Variants in ANKS1B observed in about 807,000 individuals in gnomAD.
The protein encoded by ANKS1B is ankyrin repeat and sterile alpha motif domain containing 1B, also known as ankyrin repeat and sterile alpha motif domain-containing protein 1B.
Under a neutral mutation model 148.3 loss-of-function variants are expected in ANKS1B, and 36 were observed. The observed-to-expected ratio is 0.24, with a 90% CI of 0.19 to 0.32. ANKS1B has a LOEUF of 0.32. Ranked by LOEUF, ANKS1B falls within the 10% of genes least tolerant of loss-of-function variation. The pLI is 1.00. For missense variants in ANKS1B, 1,157 were observed against 1,542.6 expected, an observed-to-expected ratio of 0.75 and a Z score of 4.19; for synonymous variants, 542 against 560.8, an observed-to-expected ratio of 0.97 and a Z score of 0.47.
Position 98,818,852 on chromosome 12 carries a change from A to G in ANKS1B, c.3066+10322T>C, listed in dbSNP as rs576401173. 9.8e-5 allele frequency among the ~76,000 whole-genome samples: 15 copies of G among 152,366 alleles called. No individual in the cohort carries two copies. The South Asian group carries it at 3.1e-3, about 32-fold the overall frequency. The stretch of plus-strand genomic sequence containing the variant: ...TTCTGACAGAAAAGATGCATTGGGC[A>G]GAGTCATTTATTCAATGATGTTTAT... On this transcript the variant is annotated intron_variant, in intron 19 of 26. Transcript: ENST00000683438.
At chr12:99,831,942 G>A (rs2084077506) in intron 1 of ANKS1B, among the ~76,000 whole-genome samples, 1 of 152,094 alleles carries the variant, frequency 6.6e-6, no homozygotes, top group Admixed American at 6.5e-5. Flanking sequence ...AAATGTGAAT[G>A]GCTAATAAAT....
At chr12:98,846,266 T>G (rs2099467913) in intron 17 of ANKS1B, among the ~76,000 whole-genome samples, 1 of 152,232 alleles carries the variant, frequency 6.6e-6, no homozygotes, top group African/African-American at 2.4e-5. Context: ...TTAGTTTTCA[T>G]TGCCTCTTGC....
intron 8 of ANKS1B, among the ~76,000 whole-genome samples, chr12:99,690,941 C>G (rs1167522501): frequency 6.6e-6 from 1 of 152,064 alleles, no homozygotes. Flanking sequence ...GCCCCTGTAG[C>G]AAACTTCTGC....
At chr12:99,082,281 G>C (rs1032510103) in intron 16 of ANKS1B, among the ~76,000 whole-genome samples, 8 of 152,218 alleles carry the variant, frequency 5.3e-5, no homozygotes, top group African/African-American at 1.9e-4. Context: ...ATAAAGCAGA[G>C]CAATAGCAAG....
At chr12:99,342,182 C>T (rs10860421) in intron 12 of ANKS1B, among the ~76,000 whole-genome samples, 41,160 of 151,638 alleles carry the variant, frequency 0.27, 5,936 homozygotes, top group East Asian at 0.5. Context: ...TAATTAAACG[C>T]GACTAAAAAG....
At chr12:98,869,679 G>GTATGCA (rs1555436867) in intron 17 of ANKS1B, among the ~76,000 whole-genome samples, 2 of 25,726 alleles carry the variant, frequency 7.8e-5, no homozygotes, top group East Asian at 0.067. Flanking sequence ...TGTGTGGAAT[G>GTATGCA]CATACATATG....
intron 12 of ANKS1B, among the ~76,000 whole-genome samples, chr12:99,356,210 G>T (rs1394474972): frequency 1.3e-5 from 2 of 152,162 alleles, no homozygotes; most frequent in Non-Finnish European, 2.9e-5. Context: ...TTGTCAGGGA[G>T]GGCACAGCCA....
At chr12:99,605,198 T>C (rs1248689328) in intron 9 of ANKS1B, among the ~76,000 whole-genome samples, 1 of 152,100 alleles carries the variant, frequency 6.6e-6, no homozygotes, top group Non-Finnish European at 1.5e-5. Flanking sequence ...TAAACATTTT[T>C]TAAACTTTTA....
intron 17 of ANKS1B, among the ~76,000 whole-genome samples, chr12:98,898,105 T>C (rs2099767359): frequency 6.6e-6 from 1 of 152,170 alleles, no homozygotes; most frequent in East Asian, 1.9e-4. Flanking sequence ...CTATTAGGTA[T>C]AATGTCCACT....
intron 5 of ANKS1B, among the ~76,000 whole-genome samples, 162 bp from the exon 6 acceptor site, chr12:99,780,134 C>T (rs1355603820): frequency 6.6e-6 from 1 of 151,434 alleles, no homozygotes; most frequent in Non-Finnish European, 1.5e-5. Context: ...CACACATGCG[C>T]ACACACACAC....
intron 1 of ANKS1B, among the ~76,000 whole-genome samples, chr12:99,965,426 G>C (rs2095473084): frequency 6.6e-6 from 1 of 152,156 alleles, no homozygotes; most frequent in African/African-American, 2.4e-5. Context: ...GATGAGGAAT[G>C]GGATATCTGC....
chr12:99,980,343 A>T (rs2095682659), intron 1 of ANKS1B, among the ~76,000 whole-genome samples: 1 of 152,034 alleles, frequency 6.6e-6, no homozygotes, highest in Admixed American at 6.6e-5. Flanking sequence ...TTCATTACAG[A>T]ACACTGAAAA....
intron 12 of ANKS1B, among the ~76,000 whole-genome samples, chr12:99,370,854 C>A (rs765178367): frequency 5.3e-5 from 8 of 152,078 alleles, no homozygotes; most frequent in Non-Finnish European, 1.2e-4. Flanking sequence ...TATAGTTAGT[C>A]CTAAGATTGA....
intron 12 of ANKS1B, among the ~76,000 whole-genome samples, chr12:99,373,653 C>T (rs189675412): frequency 6.6e-6 from 1 of 152,196 alleles, no homozygotes; most frequent in East Asian, 1.9e-4. Flanking sequence ...CCTAGTTGCT[C>T]CAGTTACTGC....
intron 12 of ANKS1B, among the ~76,000 whole-genome samples, chr12:99,379,724 A>C (rs1566989438): frequency 1.3e-5 from 2 of 152,198 alleles, no homozygotes; most frequent in Non-Finnish European, 2.9e-5. Flanking sequence ...GAAGAATAAT[A>C]AACACTAAGT....
chr12:99,491,819 C>G (rs1170857620), intron 10 of ANKS1B, among the ~76,000 whole-genome samples: 1 of 152,030 alleles, frequency 6.6e-6, no homozygotes, highest in East Asian at 1.9e-4. Context: ...TTTTGGGTAA[C>G]TAATAAAATT....
intron 12 of ANKS1B, among the ~76,000 whole-genome samples, chr12:99,351,636 G>A (rs1215415919): frequency 2.6e-5 from 4 of 151,898 alleles, no homozygotes; most frequent in Non-Finnish European, 5.9e-5. Flanking sequence ...GTTGTCATGA[G>A]GATTAGAAAT....
intron 12 of ANKS1B, among the ~76,000 whole-genome samples, chr12:99,373,882 G>T (rs1252217504): frequency 6.6e-6 from 1 of 152,072 alleles, no homozygotes; most frequent in East Asian, 1.9e-4. Flanking sequence ...GCCTAAGAAT[G>T]ACTTAGAACT....
At chr12:99,271,730 G>A (rs1042990955) in intron 12 of ANKS1B, among the ~76,000 whole-genome samples, 2 of 140,044 alleles carry the variant, frequency 1.4e-5, no homozygotes, top group African/African-American at 2.7e-5. Flanking sequence ...CTTAAAACTA[G>A]TTTGTCGAAG....
Sources: gnomAD v4.1 joint callset for allele counts (sites outside exome capture counted in the v4.1 genomes callset) on GRCh38, gnomAD v4.1.1 for gene constraint, MANE v1.5 for transcripts, NCBI Gene and HGNC (gene_info 2026-07-23, HGNC 2026-07-21) for gene names.